KANSL1: variants seen among roughly 807,000 people sequenced by gnomAD.
The protein encoded by KANSL1 is MLL1/MLL complex subunit KANSL1.
In KANSL1, 22 loss-of-function variants were observed where a neutral mutation model predicts 103.6. The observed-to-expected ratio is 0.21, with a 90% confidence interval of 0.15 to 0.30. The LOEUF is 0.30. Ranked by LOEUF, KANSL1 falls within the 10% of genes least tolerant of loss-of-function variation. The pLI is 1.00. For synonymous variants in KANSL1, 600 were observed against 527.6 expected, an observed-to-expected ratio of 1.14 and a Z score of -1.88; for missense variants, 1,337 against 1,399.8, an observed-to-expected ratio of 0.96 and a Z score of 0.72.
At chr17:46,067,463 G>A (rs751244333) in intron 5 of KANSL1, 86 bp downstream of exon 5, 3 of 806,266 alleles carry the variant, frequency 3.7e-6, no homozygotes, top group Admixed American at 2.0e-5. Flanking sequence ...TTTAAACCAG[G>A]GTCAGTCCTG....
At chr17:46,092,218 T>C (rs1568438258) in intron 3 of KANSL1, among the ~76,000 whole-genome samples, 1 of 152,236 alleles carries the variant, frequency 6.6e-6, no homozygotes, top group East Asian at 1.9e-4. Context: ...TCCCTTTTGT[T>C]AAGCAATGTG....
intron 2 of KANSL1, among the ~76,000 whole-genome samples, chr17:46,119,464 G>A (rs12603341): frequency 0.047 from 7,188 of 151,854 alleles, 897 homozygotes; most frequent in East Asian, 0.42. Context: ...ACGCCACCAC[G>A]TCCAGCTAAT....
At chr17:46,112,368 CAAAAAAA>C (rs34480982) in intron 2 of KANSL1, among the ~76,000 whole-genome samples, 4 of 51,074 alleles carry the variant, frequency 7.8e-5, no homozygotes, top group African/African-American at 2.7e-4. Context: ...AACTCTGTCT[CAAAAAAA>C]AAAAAAAAAA....
intron 2 of KANSL1, among the ~76,000 whole-genome samples, chr17:46,105,385 G>T (rs1164701928): frequency 6.6e-6 from 1 of 152,334 alleles, no homozygotes; most frequent in Middle Eastern, 3.4e-3. Context: ...GGGAGGCTGA[G>T]GCGGGCAGAT....
chr17:46,124,975 G>C (rs1371864449), intron 2 of KANSL1, among the ~76,000 whole-genome samples: 1 of 147,822 alleles, frequency 6.8e-6, no homozygotes, highest in African/African-American at 2.5e-5. Flanking sequence ...TAGAAATCGA[G>C]AATTAGAAGG....
Position 46,060,577 on chromosome 17 carries a change from T to G in KANSL1, c.1848+5960A>C, listed in dbSNP as rs539261611. On this transcript the variant is annotated intron_variant, in intron 6 of 14. Coordinates refer to ENST00000432791, the MANE Select transcript of KANSL1 (RefSeq NM_015443.4). ...CATGGCATGCTTGCTCCTTTCCAAATGTCTAACTAGTATGAAAAAGTTGGT... is the reference window on the plus strand; with the variant it reads ...CATGGCATGCTTGCTCCTTTCCAAAGGTCTAACTAGTATGAAAAAGTTGGT... Among the ~76,000 whole-genome samples, 4 of 152,332 alleles carry G rather than the reference T, an allele frequency of 2.6e-5. No individual in the cohort carries two copies. The East Asian group carries it at 7.7e-4, about 29-fold the overall frequency.
chr17:46,189,126 T>C (rs1276652986), intron 1 of KANSL1, among the ~76,000 whole-genome samples: 1 of 140,624 alleles, frequency 7.1e-6, no homozygotes, highest in Non-Finnish European at 1.5e-5. Flanking sequence ...GGCAGGAAGA[T>C]CACTTGAGCC....
At chr17:46,116,387 G>A (rs977999743) in intron 2 of KANSL1, among the ~76,000 whole-genome samples, 2 of 152,088 alleles carry the variant, frequency 1.3e-5, no homozygotes, top group African/African-American at 4.8e-5. Context: ...AAAATTAGCC[G>A]GGCGTGGTGG....
chr17:46,050,724 A>C lies in KANSL1; in HGVS notation c.1849-20T>G, dbSNP rs1373769733. 1.9e-6 allele frequency: 3 copies of C among 1,598,912 alleles called. No individual in the cohort carries two copies. In the East Asian group the frequency reaches 6.7e-5, roughly 36 times the overall value. ...GTGAACCTGTGAAAAAAGCCAAACA[A>C]AACTGACAATTCAGCATCTGATAAA... On this transcript the variant is annotated intron_variant, in intron 6 of 14. Transcript: ENST00000432791.
chr17:46,052,077 G>C (rs1279573840), intron 6 of KANSL1, among the ~76,000 whole-genome samples: 1 of 152,146 alleles, frequency 6.6e-6, no homozygotes, highest in Non-Finnish European at 1.5e-5. Context: ...TGGCTTTCTG[G>C]AGAGGATGAC....
chr17:46,060,268 G>A (rs890047853), intron 6 of KANSL1, among the ~76,000 whole-genome samples: 1 of 152,086 alleles, frequency 6.6e-6, no homozygotes, highest in African/African-American at 2.4e-5. Flanking sequence ...TTTGATATTC[G>A]TTATCTAACT....
At chr17:46,129,795 G>A (rs1017288767) in intron 2 of KANSL1, among the ~76,000 whole-genome samples, 13 of 152,246 alleles carry the variant, frequency 8.5e-5, no homozygotes, top group South Asian at 2.1e-4. Context: ...GGAGAGGGTA[G>A]GGGTGGGGGT....
At chr17:46,069,578 C>T (rs2078502308) in intron 4 of KANSL1, among the ~76,000 whole-genome samples, 1 of 151,944 alleles carries the variant, frequency 6.6e-6, no homozygotes, top group Non-Finnish European at 1.5e-5. Context: ...AATCCCATTT[C>T]TACTAAAAAT....
intron 2 of KANSL1, among the ~76,000 whole-genome samples, chr17:46,112,141 T>C (rs1412241366): frequency 6.6e-6 from 1 of 151,718 alleles, no homozygotes; most frequent in Non-Finnish European, 1.5e-5. Flanking sequence ...CCAAGGTGGG[T>C]GGATTGCCTG....
At chr17:46,118,553 T>A (rs1316740921) in intron 2 of KANSL1, among the ~76,000 whole-genome samples, 1 of 152,226 alleles carries the variant, frequency 6.6e-6, no homozygotes, top group East Asian at 1.9e-4. Context: ...ACTCAGGACA[T>A]CTGAAATGGG....
At chr17:46,121,162 T>C (rs1243613932) in intron 2 of KANSL1, among the ~76,000 whole-genome samples, 1 of 151,442 alleles carries the variant, frequency 6.6e-6, no homozygotes, top group South Asian at 2.1e-4. Context: ...TAGGTTATTA[T>C]AGTAGCCCCC....
At chr17:46,128,413 C>A (rs918399648) in intron 2 of KANSL1, among the ~76,000 whole-genome samples, 1 of 152,070 alleles carries the variant, frequency 6.6e-6, no homozygotes, top group Admixed American at 6.5e-5. Flanking sequence ...GGAGGAAATT[C>A]ACATTCCAGA....
At chr17:46,133,829 G>A (rs542661413) in intron 2 of KANSL1, among the ~76,000 whole-genome samples, 2 of 152,156 alleles carry the variant, frequency 1.3e-5, no homozygotes, top group Non-Finnish European at 2.9e-5. Context: ...TAAAATAACA[G>A]ATTTTGGAGG....
chr17:46,171,016 A>G lies in KANSL1; in HGVS notation c.1128T>C (p.Ile376=), dbSNP rs148054472. ...CTGTAAATCTCTCCAATTCTTCTGA[A>G]ATTGAATTGCTTTTCAGAAAGTTGC... ...GLSNFLKSNS[I]SEELERFTAS... The change falls in exon 2 of 15, where the codon ATT becomes ATC. Residue 376 remains isoleucine, a synonymous_variant. Transcript: ENST00000432791. 7 of 1,614,192 alleles carry G rather than the reference A, an allele frequency of 4.3e-6. No homozygotes were observed. The highest frequency in any genetic ancestry group is 5.9e-6 in the Non-Finnish European group (7 of 1,180,050).
Sources: gnomAD v4.1 joint callset for allele counts (sites outside exome capture counted in the v4.1 genomes callset) on GRCh38, gnomAD v4.1.1 for gene constraint, MANE v1.5 for transcripts, NCBI Gene and HGNC (gene_info 2026-07-23, HGNC 2026-07-21) for gene names.